Variants in ARHGEF3 observed in about 807,000 individuals in gnomAD.
ARHGEF3 encodes Rho guanine nucleotide exchange factor 3, also known as 59.8 kDA protein.
In ARHGEF3, 28 loss-of-function variants were observed where a neutral mutation model predicts 63.2. That is an observed-to-expected ratio of 0.44 (90% CI 0.33 to 0.61). ARHGEF3 has a LOEUF of 0.61. ARHGEF3 is among the 20% of genes least tolerant of loss of function. ARHGEF3 has a pLI of 0.03. For synonymous variants in ARHGEF3, 266 were observed against 254.2 expected, an observed-to-expected ratio of 1.05 and a Z score of -0.44; for missense variants, 533 against 659.3, an observed-to-expected ratio of 0.81 and a Z score of 2.10.
intron 3 of ARHGEF3, among the ~76,000 whole-genome samples, chr3:56,897,204 A>G (rs2041331917): frequency 6.6e-6 from 1 of 152,086 alleles, no homozygotes; most frequent in African/African-American, 2.4e-5. Context: ...TTTCATTTTG[A>G]TGCTCAGATT....
chr3:56,867,191 A>G lies in ARHGEF3; in HGVS notation c.192+15101T>C, dbSNP rs114538723. Among the ~76,000 whole-genome samples the G allele has an allele frequency of 2.4e-3, 371 of 152,340 alleles. 1 individual carries two copies. The highest frequency in any genetic ancestry group is 8.4e-3 in the African/African-American group (349 of 41,584). On this transcript the variant is annotated intron_variant, in intron 4 of 12. Transcript: ENST00000338458. ...GATAAATCCAGTTCATGTTTACAGT[A>G]ACCTTCCAAAGACAGCATGTAACAT...
chr3:56,913,034 G>A (rs2041894021), intron 3 of ARHGEF3, among the ~76,000 whole-genome samples: 1 of 152,220 alleles, frequency 6.6e-6, no homozygotes, highest in East Asian at 1.9e-4. Flanking sequence ...AGCTACTCAG[G>A]AGGCTGAGGT....
intron 6 of ARHGEF3, 40 bp from the exon 7 acceptor site, chr3:56,745,502 T>C: frequency 1.2e-6 from 2 of 1,603,758 alleles, no homozygotes; most frequent in Non-Finnish European, 1.7e-6. Context: ...AATGTCAAAA[T>C]AATTGAGCTC....
chr3:56,946,958 G>C (rs1306766267), intron 3 of ARHGEF3, among the ~76,000 whole-genome samples: 1 of 152,220 alleles, frequency 6.6e-6, no homozygotes, highest in Admixed American at 6.5e-5. Flanking sequence ...CCAGAAGAGA[G>C]TGGGGGCCAA....
intron 4 of ARHGEF3, among the ~76,000 whole-genome samples, chr3:56,880,667 C>T (rs944605129): frequency 6.6e-6 from 1 of 152,102 alleles, no homozygotes; most frequent in Non-Finnish European, 1.5e-5. Context: ...TGGCTAAGGG[C>T]TCTGTAAATT....
At chr3:57,005,136 G>T (rs1265775991) in intron 2 of ARHGEF3, among the ~76,000 whole-genome samples, 1 of 152,072 alleles carries the variant, frequency 6.6e-6, no homozygotes, top group Non-Finnish European at 1.5e-5. Flanking sequence ...GATTCTACTA[G>T]GCACCTCCTA....
At chr3:56,795,947 C>T (rs2037338794) in intron 1 of ARHGEF3, among the ~76,000 whole-genome samples, 1 of 150,568 alleles carries the variant, frequency 6.6e-6, no homozygotes, top group Non-Finnish European at 1.5e-5. Context: ...GACACAGCCT[C>T]TTCTAAACTA....
chr3:56,874,307 G>T (rs2040519139), intron 4 of ARHGEF3, among the ~76,000 whole-genome samples: 1 of 152,154 alleles, frequency 6.6e-6, no homozygotes. Flanking sequence ...ATCTCAGCTA[G>T]AGGCCTGGTC....
intron 4 of ARHGEF3, among the ~76,000 whole-genome samples, chr3:56,814,225 T>C (rs943182532): frequency 6.6e-6 from 1 of 152,236 alleles, no homozygotes; most frequent in African/African-American, 2.4e-5. Flanking sequence ...ACAGGCTGCA[T>C]GCATCCCAGG....
intron 3 of ARHGEF3, among the ~76,000 whole-genome samples, chr3:56,921,673 C>T (rs752332017): frequency 1.6e-4 from 24 of 152,204 alleles, no homozygotes; most frequent in Admixed American, 4.6e-4. Flanking sequence ...CTTTCCCAGG[C>T]CAAGGCCTAT....
intron 2 of ARHGEF3, among the ~76,000 whole-genome samples, chr3:56,759,174 A>ATTTTTTT (rs35855808): frequency 7.8e-6 from 1 of 128,168 alleles, no homozygotes. Context: ...AGAAAACTGA[A>ATTTTTTT]TTTTTTTTTT....
chr3:56,868,959 T>G (rs1450263597), intron 4 of ARHGEF3, among the ~76,000 whole-genome samples: 1 of 152,026 alleles, frequency 6.6e-6, no homozygotes, highest in Non-Finnish European at 1.5e-5. Context: ...ACGCGCTGAG[T>G]GAATGCACTA....
intron 1 of ARHGEF3, among the ~76,000 whole-genome samples, chr3:57,068,853 C>A (rs1014429366): frequency 3.9e-4 from 59 of 151,768 alleles, no homozygotes; most frequent in Non-Finnish European, 6.8e-4. Context: ...AGGATGGAAA[C>A]AAAATCCCTA....
chr3:57,006,773 C>A (rs946545885), intron 2 of ARHGEF3, among the ~76,000 whole-genome samples: 13 of 152,192 alleles, frequency 8.5e-5, no homozygotes, highest in Non-Finnish European at 1.2e-4. Context: ...CTTTCTCATG[C>A]CCGCCTGGAA....
chr3:56,968,137 A>ATATATAATATATATAAAAATATATAT lies in ARHGEF3; in HGVS notation c.63-9274_63-9249dup, dbSNP rs1176515061. Among the ~76,000 whole-genome samples the ATATATAATATATATAAAAATATATAT allele has an allele frequency of 1.3e-3, 50 of 37,572 alleles. 1 individual carries two copies. Among genetic ancestry groups the ATATATAATATATATAAAAATATATAT allele is most frequent in the Non-Finnish European group, 1.7e-3 (36 of 21,696 alleles). 24.6% of individuals were successfully genotyped at this position (37,572 alleles called of 152,430 possible). On this transcript the variant is annotated intron_variant, in intron 2 of 12. Coordinates refer to the ARHGEF3 transcript ENST00000338458. ...TAATATATATAAAACATATATTTTT[A>ATATATAATATATATAAAAATATATAT]TATATAATATATATAAAAATATATA...
intron 9 of ARHGEF3, among the ~76,000 whole-genome samples, chr3:56,730,877 G>C (rs996100425): frequency 6.6e-6 from 1 of 152,188 alleles, no homozygotes; most frequent in Non-Finnish European, 1.5e-5. Context: ...TTTACTGCTA[G>C]CCATCTTTGG....
intron 3 of ARHGEF3, among the ~76,000 whole-genome samples, chr3:56,894,977 C>T (rs2041250093): frequency 6.6e-6 from 1 of 152,188 alleles, no homozygotes; most frequent in Admixed American, 6.5e-5. Flanking sequence ...ATTTGTGGCT[C>T]ACCACAACTT....
rs572363608 is a variant in ARHGEF3, at chr3:56,818,163, A to T, written c.193-44347T>A. Among the ~76,000 whole-genome samples, 3 of 152,324 alleles carry T rather than the reference A, an allele frequency of 2.0e-5. No individual in the cohort carries two copies. In the South Asian group the frequency reaches 6.2e-4, roughly 32 times the overall value. ...GGACTCTGGCTAGGGGAAGAAGTGG[A>T]ACACATTTGTTACCAAACAGAACTG... On this transcript the variant is annotated intron_variant, in intron 4 of 12. Coordinates refer to the ARHGEF3 transcript ENST00000338458.
chr3:56,826,961 C>G (rs1005255931), intron 4 of ARHGEF3, among the ~76,000 whole-genome samples: 3 of 151,690 alleles, frequency 2.0e-5, no homozygotes, highest in Non-Finnish European at 4.4e-5. Context: ...CATTGTATAC[C>G]AGGATAAGCA....
Sources: allele counts gnomAD v4.1 joint callset (sites outside exome capture counted in the v4.1 genomes callset), GRCh38; gene constraint gnomAD v4.1.1; transcripts MANE v1.5; gene names NCBI Gene and HGNC (gene_info 2026-07-23, HGNC 2026-07-21).